KRIT1: variants seen among roughly 807,000 people sequenced by gnomAD.
KRIT1 encodes the protein KRIT1 ankyrin repeat containing, also known as krev interaction trapped protein 1.
Under a neutral mutation model 95.8 loss-of-function variants are expected in KRIT1, and 45 were observed. The observed-to-expected ratio is 0.47, with a 90% CI of 0.37 to 0.60. The LOEUF is 0.60. KRIT1 is among the 20% of genes least tolerant of loss of function. The pLI, the probability that KRIT1 is intolerant of heterozygous loss-of-function variation, is 0.00. For synonymous variants in KRIT1, 282 were observed against 278.8 expected, an observed-to-expected ratio of 1.01 and a Z score of -0.11; for missense variants, 788 against 877.5, an observed-to-expected ratio of 0.90 and a Z score of 1.29.
intron 12 of KRIT1, among the ~76,000 whole-genome samples, chr7:92,223,362 G>A (rs944298966): frequency 6.0e-5 from 9 of 149,838 alleles, no homozygotes; most frequent in African/African-American, 1.7e-4. Flanking sequence ...TGAGAATGGC[G>A]TGAACCCCGG....
intron 17 of KRIT1, among the ~76,000 whole-genome samples, chr7:92,208,073 T>A (rs1322827119): frequency 6.6e-6 from 1 of 151,684 alleles, no homozygotes; most frequent in African/African-American, 2.4e-5. Context: ...ACTGTACAAA[T>A]AAAAGGAAAT....
Position 92,213,234 on chromosome 7 carries a change from C to T in KRIT1, c.1986G>A (p.Val662=), listed in dbSNP as rs2131307419. Residue 662 remains valine (V), a synonymous_variant, in exon 17 of 19, where the codon GTG becomes GTA. Coordinates refer to ENST00000394505, the MANE Select transcript of KRIT1 (RefSeq NM_194454.3). ...NHKVIPVYVG[V]NIKGLHLLNM... is the part of the protein sequence containing the mutation. Reference sequence around the variant, plus strand: ...TGAGGAGATGAAGTCCTTTTATATTCACTCCTACATACACAGGGATGACTT... The same window carrying T: ...TGAGGAGATGAAGTCCTTTTATATTTACTCCTACATACACAGGGATGACTT... The T allele has an allele frequency of 6.2e-7, 1 of 1,613,326 alleles. No homozygotes were observed. The highest frequency in any genetic ancestry group is 2.2e-5 in the East Asian group (1 of 44,818).
intron 17 of KRIT1, chr7:92,202,273 G>A (rs1790352305): frequency 6.6e-6 from 1 of 152,064 alleles, no homozygotes; most frequent in South Asian, 2.1e-4. Context: ...CAGTGGGAGT[G>A]GAGAAGAACT....
chr7:92,222,999 C>T (rs761894025), intron 12 of KRIT1, 21 bp from the exon 13 acceptor site: 21 of 1,551,780 alleles, frequency 1.4e-5, no homozygotes, highest in South Asian at 5.6e-5. Flanking sequence ...CGATAACTTA[C>T]GTAACGAACT....
chr7:92,234,387 AC>A, intron 10 of KRIT1, 61 bp downstream of exon 10: 1 of 1,245,338 alleles, frequency 8.0e-7, no homozygotes, highest in Non-Finnish European at 1.2e-6. Flanking sequence ...GAAAAGAAGG[AC>A]TAACATTTAT....
rs1164308092 is a variant in KRIT1 at position 92,222,939 on chromosome 7, G to A, written c.1294C>T (p.Arg432Cys). The change falls in exon 13 of 19, where the codon CGT (arginine) becomes TGT (cysteine). Residue 432 changes from arginine to cysteine, a missense_variant. This residue lies in a region of KRIT1 where 493 missense variants were observed against 582.3 expected (regional missense o/e 0.85). Transcript: ENST00000394505. ...VRIYRMDGSY[R>C]SVELKHGNNT... ...TTTCCATGCTTCAATTCAACAGAACGATATGACCCATCCATTCTGTATATT... is the reference window on the plus strand; with the variant it reads ...TTTCCATGCTTCAATTCAACAGAACAATATGACCCATCCATTCTGTATATT... The A allele has an allele frequency of 4.4e-6, 7 of 1,609,106 alleles. No individual in the cohort carries two copies. The highest frequency in any genetic ancestry group is 6.0e-6 in the Non-Finnish European group (7 of 1,175,766).
intron 7 of KRIT1, chr7:92,235,891 T>C (rs532952914): frequency 1.0e-5 from 4 of 392,490 alleles, no homozygotes; most frequent in South Asian, 2.8e-5. Context: ...AATATGTTCA[T>C]ATGATCTATA....
chr7:92,234,613 T>C (rs200144826), intron 9 of KRIT1, 21 bp from the exon 10 acceptor site: 42 of 1,603,978 alleles, frequency 2.6e-5, no homozygotes, highest in Middle Eastern at 3.3e-4. Flanking sequence ...AAAAGAAATT[T>C]TGAAAAATAC....
chr7:92,245,287 GCCTGGGAGGTTTTTT>G (rs1229473888), intron 1 of KRIT1, 116 bp from the exon 2 acceptor site: 1 of 152,126 alleles, frequency 6.6e-6, no homozygotes, highest in Non-Finnish European at 1.5e-5. Flanking sequence ...TAATCACTCT[GCCTGGGAGGTTTTTT>G]CCTGCGCCAC....
At chr7:92,218,024 G>C (rs1489730277) in intron 14 of KRIT1, among the ~76,000 whole-genome samples, 1 of 152,066 alleles carries the variant, frequency 6.6e-6, no homozygotes, top group Non-Finnish European at 1.5e-5. Context: ...CTTTTCATGT[G>C]TTTGCTGGCT....
At chr7:92,232,850 C>T (rs1240074085) in intron 10 of KRIT1, among the ~76,000 whole-genome samples, 1 of 152,148 alleles carries the variant, frequency 6.6e-6, no homozygotes, top group African/African-American at 2.4e-5. Context: ...CCCGCCACCA[C>T]ACCCGGCTAA....
intron 17 of KRIT1, chr7:92,204,105 A>T (rs1400769483): frequency 2.0e-5 from 3 of 151,536 alleles, no homozygotes; most frequent in African/African-American, 7.3e-5. Flanking sequence ...TACAAATAAT[A>T]AAAAAATTAG....
At chr7:92,233,161 TACACACACACACACACAC>T (rs139965359) in intron 10 of KRIT1, among the ~76,000 whole-genome samples, 1 of 149,366 alleles carries the variant, frequency 6.7e-6, no homozygotes, top group African/African-American at 2.5e-5. Context: ...GATCTTTTTA[TACACACACACACACACAC>T]ACACACACAC....
At chr7:92,220,180 T>C (rs1054797137) in intron 14 of KRIT1, among the ~76,000 whole-genome samples, 7 of 152,228 alleles carry the variant, frequency 4.6e-5, no homozygotes, top group Non-Finnish European at 1.5e-5. Flanking sequence ...ACACCCTTTA[T>C]CATGCTGAGA....
intron 10 of KRIT1, among the ~76,000 whole-genome samples, chr7:92,233,001 T>C (rs1392387391): frequency 6.6e-6 from 1 of 152,152 alleles, no homozygotes; most frequent in African/African-American, 2.4e-5. Context: ...CTGCATGTGA[T>C]TTCTTTTAGT....
At chr7:92,213,826 T>C in intron 16 of KRIT1, 66 bp downstream of exon 16, 3 of 935,100 alleles carry the variant, frequency 3.2e-6, no homozygotes, top group Non-Finnish European at 5.3e-6. Flanking sequence ...GTTTAAAATA[T>C]TTATAACACT....
chr7:92,221,861 T>C, intron 14 of KRIT1, 41 bp downstream of exon 14: 2 of 1,569,656 alleles, frequency 1.3e-6, no homozygotes, highest in Non-Finnish European at 1.7e-6. Context: ...TCAACAGATT[T>C]TGTGCATTTA....
chr7:92,227,482 A>G (rs990850753), intron 10 of KRIT1, among the ~76,000 whole-genome samples: 8 of 152,142 alleles, frequency 5.3e-5, no homozygotes, highest in African/African-American at 1.4e-4. Flanking sequence ...AACAAGAGAT[A>G]TGATTTCAGT....
intron 10 of KRIT1, among the ~76,000 whole-genome samples, chr7:92,233,025 C>G (rs1352407915): frequency 6.6e-6 from 1 of 151,988 alleles, no homozygotes; most frequent in Non-Finnish European, 1.5e-5. Context: ...GTTTTTGCCG[C>G]CAGTATTTTC....
Sources: gnomAD v4.1 joint callset for allele counts (sites outside exome capture counted in the v4.1 genomes callset) on GRCh38, gnomAD v4.1.1 for gene constraint, gnomAD v4.1.1 regional missense constraint, MANE v1.5 for transcripts, NCBI Gene and HGNC (gene_info 2026-07-23, HGNC 2026-07-21) for gene names.